The following PCDH15 variants were observed in gnomAD, a reference collection of about 807,000 sequenced individuals.
PCDH15 encodes protocadherin related 15, also known as protocadherin-15.
Under a neutral mutation model 178.5 loss-of-function variants are expected in PCDH15, and 129 were observed. That is an observed-to-expected ratio of 0.72 (90% CI 0.63 to 0.84). PCDH15 has a LOEUF of 0.84. PCDH15 is among the 40% of genes least tolerant of loss of function. The probability of loss-of-function intolerance (pLI) is 0.00; values close to 1 mark genes in which losing one functional copy is unlikely to be tolerated. For missense variants in PCDH15, 2,230 were observed against 2,099.9 expected (o/e 1.06, Z -1.21); for synonymous variants, 800 against 732.0 (o/e 1.09, Z -1.50).
chr10:54,184,928 T>C (rs1266984817), intron 12 of PCDH15, among the ~76,000 whole-genome samples: 2 of 152,040 alleles, frequency 1.3e-5, no homozygotes. Flanking sequence ...TGAGGAAGAA[T>C]GTTAATATAG....
At chr10:55,163,799 C>A (rs1258396820) in intron 2 of PCDH15, among the ~76,000 whole-genome samples, 1 of 152,196 alleles carries the variant, frequency 6.6e-6, no homozygotes. Flanking sequence ...TGGTCTAAAA[C>A]GGCAGGGAGG....
intron 3 of PCDH15, among the ~76,000 whole-genome samples, chr10:54,399,543 T>C (rs756665650): frequency 6.6e-6 from 1 of 152,086 alleles, no homozygotes; most frequent in Non-Finnish European, 1.5e-5. Context: ...TTGACAATTT[T>C]AAAGGGTGAA....
intron 3 of PCDH15, among the ~76,000 whole-genome samples, chr10:54,868,050 T>C (rs1004989104): frequency 2.0e-5 from 3 of 152,204 alleles, no homozygotes; most frequent in African/African-American, 4.8e-5. Context: ...TGTACACTTA[T>C]ATAAAAACAT....
chr10:54,347,283 T>C (rs1198527821), intron 5 of PCDH15, among the ~76,000 whole-genome samples: 1 of 152,148 alleles, frequency 6.6e-6, no homozygotes, highest in Non-Finnish European at 1.5e-5. Flanking sequence ...ATACTACTCA[T>C]TAGTTAAATT....
chr10:54,458,187 G>A (rs1777999948), intron 3 of PCDH15, among the ~76,000 whole-genome samples: 1 of 152,102 alleles, frequency 6.6e-6, no homozygotes, highest in African/African-American at 2.4e-5. Flanking sequence ...TTATTCCATA[G>A]AGTCTCTATT....
intron 8 of PCDH15, among the ~76,000 whole-genome samples, chr10:54,316,526 GTA>G (rs1391740379): frequency 4.4e-5 from 6 of 135,594 alleles, no homozygotes; most frequent in Non-Finnish European, 7.7e-5. Context: ...CAGAATATGT[GTA>G]TACACACACA....
At chr10:54,948,992 A>C (rs1838262506) in intron 2 of PCDH15, among the ~76,000 whole-genome samples, 1 of 151,834 alleles carries the variant, frequency 6.6e-6, no homozygotes, top group Non-Finnish European at 1.5e-5. Flanking sequence ...CATACTGTAC[A>C]TATAGACATT....
At chr10:54,588,177 A>G (rs1208044053) in intron 2 of PCDH15, among the ~76,000 whole-genome samples, 2 of 152,198 alleles carry the variant, frequency 1.3e-5, no homozygotes, top group South Asian at 2.1e-4. Context: ...TTAGTGTTAC[A>G]TCAACAGAAA....
intron 2 of PCDH15, among the ~76,000 whole-genome samples, chr10:55,132,216 A>G (rs1047220761): frequency 6.6e-6 from 1 of 152,138 alleles, no homozygotes; most frequent in Non-Finnish European, 1.5e-5. Flanking sequence ...CATATGGCTA[A>G]CTTCTTATAC....
intron 8 of PCDH15, among the ~76,000 whole-genome samples, chr10:54,254,674 G>A (rs1421769137): frequency 6.6e-6 from 1 of 152,022 alleles, no homozygotes; most frequent in African/African-American, 2.4e-5. Flanking sequence ...TGAAACACTT[G>A]GTTTTAATGT....
chr10:54,537,299 G>T (rs901022777), intron 2 of PCDH15, among the ~76,000 whole-genome samples: 2 of 151,530 alleles, frequency 1.3e-5, no homozygotes, highest in Admixed American at 1.3e-4. Flanking sequence ...GCGACCGGCC[G>T]CAATTTGTTT....
intron 2 of PCDH15, among the ~76,000 whole-genome samples, chr10:54,585,256 G>A (rs1181884894): frequency 1.3e-5 from 2 of 152,054 alleles, no homozygotes; most frequent in African/African-American, 2.4e-5. Flanking sequence ...ATCCTGTGCG[G>A]TTTTCCAGTT....
At chr10:55,545,096 A>G (rs1190695710) in intron 2 of PCDH15, among the ~76,000 whole-genome samples, 1 of 152,152 alleles carries the variant, frequency 6.6e-6, no homozygotes, top group Non-Finnish European at 1.5e-5. Context: ...TTACAACCAC[A>G]AGAGGCAAAA....
At chr10:54,973,775 C>T (rs1421066881) in intron 2 of PCDH15, among the ~76,000 whole-genome samples, 1 of 152,034 alleles carries the variant, frequency 6.6e-6, no homozygotes, top group Non-Finnish European at 1.5e-5. Flanking sequence ...AAAGAAACAA[C>T]CTCTATCATG....
intron 2 of PCDH15, among the ~76,000 whole-genome samples, chr10:55,627,448 C>T (rs1468568074): frequency 6.6e-6 from 1 of 152,090 alleles, no homozygotes; most frequent in Non-Finnish European, 1.5e-5. Context: ...AGGCGATGAG[C>T]TTTGAAAGGT....
chr10:54,964,685 A>G (rs537795417), intron 2 of PCDH15, among the ~76,000 whole-genome samples: 9 of 152,328 alleles, frequency 5.9e-5, no homozygotes, highest in African/African-American at 2.2e-4. Flanking sequence ...TGTTAATAAT[A>G]TCACTGATAG....
At chr10:53,868,446 A>G (rs1447666034) in intron 26 of PCDH15, among the ~76,000 whole-genome samples, 2 of 152,140 alleles carry the variant, frequency 1.3e-5, no homozygotes, top group Non-Finnish European at 2.9e-5. Flanking sequence ...GATATTCAAT[A>G]AAATTTTCTG....
intron 2 of PCDH15, among the ~76,000 whole-genome samples, chr10:54,918,858 T>G (rs142504674): frequency 6.6e-6 from 1 of 152,168 alleles, no homozygotes; most frequent in African/African-American, 2.4e-5. Context: ...ATATCTTAAG[T>G]GAAAAATGTA....
At chr10:54,998,326 C>T (rs1839699460) in intron 2 of PCDH15, among the ~76,000 whole-genome samples, 1 of 151,778 alleles carries the variant, frequency 6.6e-6, no homozygotes, top group Non-Finnish European at 1.5e-5. Context: ...CAGCATGGCA[C>T]ATGTATACAT....
Sources: gnomAD v4.1 joint callset for allele counts (sites outside exome capture counted in the v4.1 genomes callset) on GRCh38, gnomAD v4.1.1 for gene constraint, MANE v1.5 for transcripts, NCBI Gene and HGNC (gene_info 2026-07-23, HGNC 2026-07-21) for gene names.